The following HS6ST3 variants were observed in gnomAD, a reference collection of about 807,000 sequenced individuals.
HS6ST3 encodes the protein heparan-sulfate 6-O-sulfotransferase 3.
In HS6ST3, 12 loss-of-function variants were observed where a neutral mutation model predicts 36.7. That is an observed-to-expected ratio of 0.33 (90% CI 0.21 to 0.53). The LOEUF is 0.53. Ranked by LOEUF, HS6ST3 falls within the 20% of genes least tolerant of loss-of-function variation. The probability of loss-of-function intolerance (pLI) is 0.95; values close to 1 mark genes in which losing one functional copy is unlikely to be tolerated. For synonymous variants in HS6ST3, 240 were observed against 257.5 expected (o/e 0.93, Z 0.65); for missense variants, 584 against 640.9 (o/e 0.91, Z 0.96).
chr13:96,757,997 T>C (rs1876875457), intron 1 of HS6ST3, among the ~76,000 whole-genome samples: 1 of 152,082 alleles, frequency 6.6e-6, no homozygotes, highest in East Asian at 1.9e-4. Context: ...ATTTTCTCTA[T>C]TTTCTAAACA....
At chr13:96,619,053 C>CT (rs1180851140) in intron 1 of HS6ST3, among the ~76,000 whole-genome samples, 1 of 151,378 alleles carries the variant, frequency 6.6e-6, no homozygotes, top group East Asian at 1.9e-4. Flanking sequence ...TGTGAAGTTG[C>CT]TTAAGATTCA....
At chr13:96,496,502 T>C (rs577950381) in intron 1 of HS6ST3, among the ~76,000 whole-genome samples, 1 of 152,212 alleles carries the variant, frequency 6.6e-6, no homozygotes, top group East Asian at 1.9e-4. Flanking sequence ...AGCTGCCAAA[T>C]AAGAGATCTG....
intron 1 of HS6ST3, among the ~76,000 whole-genome samples, chr13:96,428,117 G>A (rs771808755): frequency 2.0e-5 from 3 of 152,158 alleles, no homozygotes; most frequent in Non-Finnish European, 4.4e-5. Context: ...CACAGATGTG[G>A]TGGGCAGATC....
intron 1 of HS6ST3, among the ~76,000 whole-genome samples, chr13:96,652,299 T>G (rs581647): frequency 1.3e-5 from 2 of 152,044 alleles, no homozygotes; most frequent in African/African-American, 4.8e-5. Context: ...AATGTGTTTT[T>G]TATGTATACA....
At chr13:96,680,898 C>A (rs921087547) in intron 1 of HS6ST3, among the ~76,000 whole-genome samples, 1 of 152,180 alleles carries the variant, frequency 6.6e-6, no homozygotes, top group African/African-American at 2.4e-5. Flanking sequence ...GCTTTGGAGC[C>A]ACATAAACAT....
rs574764250 is a variant in HS6ST3 at position 96,556,185 on chromosome 13, G to A, written c.708-276305G>A. On this transcript the variant is annotated intron_variant, in intron 1 of 1. Transcript: ENST00000376705. ...ACTATTGACCATGTGTCCTTCCTAA[G>A]GCTATTTTTAAATTTGGAGAGAGGT... 2.0e-5 allele frequency among the ~76,000 whole-genome samples: 3 copies of A among 152,272 alleles called. No individual in the cohort carries two copies. In the South Asian group the frequency reaches 6.2e-4, roughly 32 times the overall value.
At chr13:96,489,612 CTCTT>C (rs774789259) in intron 1 of HS6ST3, among the ~76,000 whole-genome samples, 37 of 151,764 alleles carry the variant, frequency 2.4e-4, no homozygotes, top group Admixed American at 7.9e-4. Context: ...CATATCATGT[CTCTT>C]TCTTTCTTTA....
chr13:96,144,570 C>G (rs994107922), intron 1 of HS6ST3, among the ~76,000 whole-genome samples: 4 of 151,888 alleles, frequency 2.6e-5, no homozygotes, highest in Non-Finnish European at 4.4e-5. Flanking sequence ...AATACCTCAT[C>G]TTATGCAGTT....
chr13:96,481,652 GCCGTCCTGCC>G (rs764680912), intron 1 of HS6ST3, among the ~76,000 whole-genome samples: 89 of 152,066 alleles, frequency 5.9e-4, no homozygotes, highest in Non-Finnish European at 1.1e-3. Context: ...CTCATGCAGT[GCCGTCCTGCC>G]CCTCCGCTCT....
At chr13:96,270,442 A>G (rs1177443622) in intron 1 of HS6ST3, among the ~76,000 whole-genome samples, 1 of 151,978 alleles carries the variant, frequency 6.6e-6, no homozygotes, top group African/African-American at 2.4e-5. Flanking sequence ...ATCATTAGTG[A>G]TTATACACAT....
rs1006692481 is a variant in HS6ST3, at chr13:96,651,973, A to C, written c.708-180517A>C. Among the ~76,000 whole-genome samples the C allele has an allele frequency of 6.6e-5, 10 of 152,218 alleles. No individual in the cohort carries two copies. The East Asian group carries it at 9.7e-4, about 15-fold the overall frequency. ...TTTGGCTCCCTATGTTACAGTCATG[A>C]CACATATCAGACATAAAGAGTATTA... On this transcript the variant is annotated intron_variant, in intron 1 of 1. Coordinates refer to ENST00000376705, the MANE Select transcript of HS6ST3 (RefSeq NM_153456.4).
intron 1 of HS6ST3, among the ~76,000 whole-genome samples, chr13:96,597,311 A>G (rs2056405233): frequency 6.6e-6 from 1 of 151,906 alleles, no homozygotes; most frequent in African/African-American, 2.4e-5. Context: ...TACATGACAA[A>G]CCTGCACATG....
At chr13:96,209,710 T>G (rs2054389199) in intron 1 of HS6ST3, among the ~76,000 whole-genome samples, 1 of 152,152 alleles carries the variant, frequency 6.6e-6, no homozygotes, top group African/African-American at 2.4e-5. Flanking sequence ...ATTTCAACCT[T>G]AGTCCAGCCT....
At chr13:96,713,075 T>A (rs1324859732) in intron 1 of HS6ST3, among the ~76,000 whole-genome samples, 1 of 152,204 alleles carries the variant, frequency 6.6e-6, no homozygotes, top group Admixed American at 6.5e-5. Flanking sequence ...TTGTGAAATG[T>A]CATCTTTTTC....
At chr13:96,167,892 G>T (rs750261678) in intron 1 of HS6ST3, among the ~76,000 whole-genome samples, 47 of 152,172 alleles carry the variant, frequency 3.1e-4, no homozygotes, top group Non-Finnish European at 5.9e-4. Flanking sequence ...TGTGTAAAGT[G>T]CTGGATGATG....
At chr13:96,824,196 A>G (rs533084425) in intron 1 of HS6ST3, among the ~76,000 whole-genome samples, 1 of 152,324 alleles carries the variant, frequency 6.6e-6, no homozygotes, top group Non-Finnish European at 1.5e-5. Flanking sequence ...CCTGAGCCCA[A>G]AGGGTCTGAC....
intron 1 of HS6ST3, among the ~76,000 whole-genome samples, chr13:96,387,775 CTTTA>C (rs1180441160): frequency 6.6e-6 from 1 of 152,160 alleles, no homozygotes; most frequent in East Asian, 1.9e-4. Context: ...TTCCTTATCC[CTTTA>C]TTTATTTATT....
chr13:96,694,465 AAATGAATATATG>A (rs1875065687), intron 1 of HS6ST3, among the ~76,000 whole-genome samples: 1 of 152,194 alleles, frequency 6.6e-6, no homozygotes, highest in Admixed American at 6.5e-5. Flanking sequence ...AAGAGTGCTG[AAATGAATATATG>A]AATGCATGTG....
chr13:96,242,678 T>C (rs890353061), intron 1 of HS6ST3, among the ~76,000 whole-genome samples: 5 of 152,070 alleles, frequency 3.3e-5, no homozygotes, highest in African/African-American at 1.2e-4. Flanking sequence ...AGATAACGAG[T>C]GTTGGTGAGG....
Sources: gnomAD v4.1 joint callset for allele counts (sites outside exome capture counted in the v4.1 genomes callset) on GRCh38, gnomAD v4.1.1 for gene constraint, MANE v1.5 for transcripts, NCBI Gene and HGNC (gene_info 2026-07-23, HGNC 2026-07-21) for gene names.